TFDP1: variants seen among roughly 807,000 people sequenced by gnomAD.
TFDP1 encodes the protein transcription factor Dp-1, also known as DRTF1-polypeptide 1.
Under a neutral mutation model 48.0 loss-of-function variants are expected in TFDP1, and 6 were observed. The observed-to-expected ratio is 0.13, with a 90% CI of 0.07 to 0.25. TFDP1 has a LOEUF of 0.25. Ranked by LOEUF, TFDP1 falls within the 10% of genes least tolerant of loss-of-function variation. TFDP1 has a pLI of 1.00. For missense variants in TFDP1, 335 were observed against 543.0 expected (o/e 0.62, Z 3.81); for synonymous variants, 201 against 211.6 (o/e 0.95, Z 0.44).
At chr13:113,604,610 C>T (rs953973981) in intron 2 of TFDP1, among the ~76,000 whole-genome samples, 4 of 150,750 alleles carry the variant, frequency 2.7e-5, no homozygotes, top group Admixed American at 2.0e-4. Context: ...GCACCCCTTG[C>T]GCATCCTGTT....
rs932621069 is a variant in TFDP1, at chr13:113,616,237, G to A, written c.79+5175G>A. Reference sequence around the variant, plus strand: ...AAAAAAAAAGAGTAAGTGTGTAAGTGTACATTTGAGCGTGCACTTTCGCAG... The same window carrying A: ...AAAAAAAAAGAGTAAGTGTGTAAGTATACATTTGAGCGTGCACTTTCGCAG... On this transcript the variant is annotated intron_variant, in intron 3 of 11. Transcript: ENST00000375370. Among the ~76,000 whole-genome samples, 5 of 150,660 alleles carry A rather than the reference G, an allele frequency of 3.3e-5. No homozygotes were observed. In the East Asian group the frequency reaches 5.9e-4, roughly 18 times the overall value.
chr13:113,631,753 T>A lies in TFDP1; in HGVS notation c.308+9T>A, dbSNP rs1220905449. 6.2e-7 allele frequency: 1 copy of A among 1,613,840 alleles called. No homozygotes were observed. Among genetic ancestry groups the A allele is most frequent in the South Asian group, 1.1e-5 (1 of 91,058 alleles). On this transcript the variant is annotated intron_variant, in intron 5 of 11. Coordinates refer to ENST00000375370, the MANE Select transcript of TFDP1 (RefSeq NM_007111.5). ...TCACCTTGGTCTGCCGGGTGAGCAC[T>A]TCCCTCTGGACCCTTAGAGTTGTAG...
At chr13:113,615,233 T>A (rs1352063705) in intron 3 of TFDP1, among the ~76,000 whole-genome samples, 1 of 152,204 alleles carries the variant, frequency 6.6e-6, no homozygotes, top group Non-Finnish European at 1.5e-5. Context: ...GTGTGAACAT[T>A]TGCACACACA....
At chr13:113,631,901 C>T (rs1243632930) in intron 5 of TFDP1, 157 bp downstream of exon 5, 1 of 1,054,978 alleles carries the variant, frequency 9.5e-7, no homozygotes, top group East Asian at 2.7e-5. Flanking sequence ...TCGTGGCCTG[C>T]ACAGGTGTGC....
rs1035441543 is a variant in TFDP1 at position 113,610,977 on chromosome 13, GT to G, written c.13-15del. 3 of 1,612,430 alleles carry G rather than the reference GT, an allele frequency of 1.9e-6. No individual in the cohort carries two copies. In the African/African-American group the frequency reaches 4.0e-5, roughly 22 times the overall value. ...CCTTTTAGCTGTCATATTTATTATT[GT>G]TTTGTTGCTTTCCGCAGGCCGGTCT... On this transcript the variant is annotated intron_variant, in intron 2 of 11. Coordinates refer to ENST00000375370, the MANE Select transcript of TFDP1 (RefSeq NM_007111.5).
At chr13:113,604,026 A>C (rs1470926155) in intron 2 of TFDP1, among the ~76,000 whole-genome samples, 6 of 152,038 alleles carry the variant, frequency 3.9e-5, no homozygotes, top group Non-Finnish European at 7.4e-5. Flanking sequence ...TTAGCCAGGC[A>C]TGGGGTGCAT....
intron 2 of TFDP1, among the ~76,000 whole-genome samples, chr13:113,609,387 C>T (rs1365671563): frequency 6.6e-6 from 1 of 152,216 alleles, no homozygotes; most frequent in Admixed American, 6.5e-5. Context: ...TGCTGGACAG[C>T]TAGACTCAGA....
intron 8 of TFDP1, 88 bp from the exon 9 acceptor site, chr13:113,635,889 A>G: frequency 6.9e-7 from 1 of 1,457,578 alleles, no homozygotes; most frequent in Admixed American, 2.0e-5. Context: ...TGTCACGTGG[A>G]CGCAGGGAGG....
At chr13:113,630,092 G>A (rs75709586) in intron 4 of TFDP1, among the ~76,000 whole-genome samples, 3,165 of 152,236 alleles carry the variant, frequency 0.021, 94 homozygotes, top group East Asian at 0.11. Flanking sequence ...CTCTCAGGCA[G>A]CCTGAGTGGC....
intron 8 of TFDP1, among the ~76,000 whole-genome samples, chr13:113,635,178 C>T (rs907586801): frequency 2.6e-5 from 4 of 152,150 alleles, no homozygotes; most frequent in African/African-American, 4.8e-5. Context: ...GTGGGCGGCA[C>T]CACTGGGGGC....
chr13:113,590,276 A>T (rs1179259429), intron 2 of TFDP1, among the ~76,000 whole-genome samples: 1 of 152,136 alleles, frequency 6.6e-6, no homozygotes, highest in East Asian at 1.9e-4. Context: ...TGAAATTGAG[A>T]GCTGGGGACC....
intron 10 of TFDP1, chr13:113,637,378 G>T: frequency 2.9e-6 from 1 of 349,788 alleles, no homozygotes. Context: ...TGAAAATCTG[G>T]CTGGTCCATG....
chr13:113,594,733 G>T (rs1303713460), intron 2 of TFDP1, among the ~76,000 whole-genome samples: 1 of 152,356 alleles, frequency 6.6e-6, no homozygotes, highest in East Asian at 1.9e-4. Context: ...TGCACCAGCG[G>T]GCTTTTCTGT....
At chr13:113,616,600 G>T (rs936841813) in intron 3 of TFDP1, among the ~76,000 whole-genome samples, 44 of 152,284 alleles carry the variant, frequency 2.9e-4, no homozygotes, top group African/African-American at 1.0e-3. Flanking sequence ...TCCCTTTGTT[G>T]TGTCTTTACT....
intron 7 of TFDP1, 75 bp downstream of exon 7, chr13:113,634,108 A>G: frequency 6.2e-7 from 1 of 1,604,490 alleles, no homozygotes; most frequent in African/African-American, 1.3e-5. Flanking sequence ...GGTCACTCAG[A>G]AGGGTCTGGG....
chr13:113,593,048 C>T (rs1458818775), intron 2 of TFDP1, among the ~76,000 whole-genome samples: 4 of 150,040 alleles, frequency 2.7e-5, no homozygotes, highest in Non-Finnish European at 5.9e-5. Flanking sequence ...TGTGGGTCCT[C>T]AGCCCTGCCC....
rs537644681 is a variant in TFDP1 at position 113,637,759 on chromosome 13, T to C, written c.1007-59T>C. 20 of 1,614,080 alleles carry C rather than the reference T, an allele frequency of 1.2e-5. 1 individual carries two copies. The South Asian group carries it at 1.8e-4, about 14-fold the overall frequency. ...ACTGCGCGTCATTTTGTTGGTTGCCTGTGCGTCTTGTGTTGTTTCTGTTTC... is the reference window on the plus strand; with the variant it reads ...ACTGCGCGTCATTTTGTTGGTTGCCCGTGCGTCTTGTGTTGTTTCTGTTTC... On this transcript the variant is annotated intron_variant, in intron 10 of 11. Transcript: ENST00000375370.
At chr13:113,600,916 G>A (rs1371720361) in intron 2 of TFDP1, among the ~76,000 whole-genome samples, 4 of 151,550 alleles carry the variant, frequency 2.6e-5, no homozygotes, top group East Asian at 1.9e-4. Flanking sequence ...GAGAATCCTC[G>A]CACGTGGGGC....
At chr13:113,593,257 C>T in intron 2 of TFDP1, among the ~76,000 whole-genome samples, 1 of 141,064 alleles carries the variant, frequency 7.1e-6, no homozygotes, top group East Asian at 2.2e-4. Context: ...CAGCTATACA[C>T]AGGTGTCAGG....
Sources: gnomAD v4.1 joint callset for allele counts (sites outside exome capture counted in the v4.1 genomes callset) on GRCh38, gnomAD v4.1.1 for gene constraint, MANE v1.5 for transcripts, NCBI Gene and HGNC (gene_info 2026-07-23, HGNC 2026-07-21) for gene names.